The following GALNT15 variants were observed in gnomAD, a reference collection of about 807,000 sequenced individuals.
The protein encoded by GALNT15 is polypeptide N-acetylgalactosaminyltransferase 15.
Under a neutral mutation model 66.8 loss-of-function variants are expected in GALNT15, and 67 were observed. That is an observed-to-expected ratio of 1.00 (90% CI 0.82 to 1.23). The LOEUF (loss-of-function observed/expected upper bound fraction) is 1.23. GALNT15 is among the 50% of genes most tolerant of loss of function. The pLI is 0.00. For missense variants in GALNT15, 827 were observed against 804.3 expected (o/e 1.03, Z -0.34); for synonymous variants, 313 against 311.5 (o/e 1.00, Z -0.05).
intron 2 of GALNT15, among the ~76,000 whole-genome samples, chr3:16,198,364 A>G (rs1461011441): frequency 1.4e-5 from 2 of 142,384 alleles, no homozygotes; most frequent in Admixed American, 7.1e-5. Context: ...AAAAAAAATT[A>G]GTAAAATAAT....
Position 16,225,368 on chromosome 3 carries a change from T to C in GALNT15, c.1774-1986T>C, listed in dbSNP as rs1311151431. Among the ~76,000 whole-genome samples, 2 of 152,184 alleles carry C rather than the reference T, an allele frequency of 1.3e-5. No homozygotes were observed. Among genetic ancestry groups the C allele is most frequent in the Non-Finnish European group, 2.9e-5 (2 of 68,052 alleles). ...CTTTACACTTAAAAATGCCTAAGAT[T>C]GTAAAAGTTTTGCTATGTGTTTTTA... On this transcript the variant is annotated intron_variant, in intron 9 of 9. Transcript: ENST00000339732. The surrounding 1 kb of genome is among the most constrained non-coding windows in gnomAD (Gnocchi z 4.4).
rs910102671 is a variant in GALNT15 at position 16,191,745 on chromosome 3, C to A, written c.540-4015C>A. Among the ~76,000 whole-genome samples, 26 of 152,172 alleles carry A rather than the reference C, an allele frequency of 1.7e-4. No homozygotes were observed. The highest frequency in any genetic ancestry group is 6.0e-4 in the African/African-American group (25 of 41,452). On this transcript the variant is annotated intron_variant, in intron 1 of 9. Transcript: ENST00000339732. The surrounding 1 kb of genome is among the most constrained non-coding windows in gnomAD (Gnocchi z 5.2). ...TACAAATTTCTTTCATTGAAGGAGG[C>A]CCTGCTCCATGCCAGGCACTGTGCC...
chr3:16,232,833 C>G (rs1352309739), downstream of GALNT15, among the ~76,000 whole-genome samples: 2 of 151,684 alleles, frequency 1.3e-5, no homozygotes, highest in Non-Finnish European at 2.9e-5. Flanking sequence ...TGTTAAAGTG[C>G]AGATTCTGAT....
Position 16,187,301 on chromosome 3 carries a change from T to C in GALNT15, c.540-8459T>C, listed in dbSNP as rs1016543074. On this transcript the variant is annotated intron_variant, in intron 1 of 9. Coordinates refer to ENST00000339732, the MANE Select transcript of GALNT15 (RefSeq NM_054110.5). This position sits in a 1 kb window ranked among gnomAD's most constrained non-coding sequence, Gnocchi z 5.1. ...AGTGATTTCAAACAATAACCATTTC[T>C]ATGTTATGGTTCTATAATTTGGACC... is the stretch of plus-strand genomic sequence containing the variant. 6.6e-6 allele frequency among the ~76,000 whole-genome samples: 1 copy of C among 152,136 alleles called. No individual in the cohort carries two copies. Among genetic ancestry groups the C allele is most frequent in the African/African-American group, 2.4e-5 (1 of 41,422 alleles).
chr3:16,211,721 C>T lies in GALNT15; in HGVS notation c.1197+480C>T, dbSNP rs1405808073. ...CACCCTCATTTCCTGTCCCACATTG[C>T]TTTTCTAGCATGATACTTGCTTTTT... On this transcript the variant is annotated intron_variant, in intron 5 of 9. Transcript: ENST00000339732. The surrounding 1 kb of genome is among the most constrained non-coding windows in gnomAD (Gnocchi z 4.3). Among the ~76,000 whole-genome samples, 1 of 152,190 alleles carries T rather than the reference C, an allele frequency of 6.6e-6. No individual in the cohort carries two copies. The highest frequency in any genetic ancestry group is 1.5e-5 in the Non-Finnish European group (1 of 68,038).
chr3:16,243,847 G>A, the GALNT15 span, among the ~76,000 whole-genome samples: 7 of 152,222 alleles, frequency 4.6e-5, no homozygotes, highest in East Asian at 5.8e-4. Flanking sequence ...CATTTTCACA[G>A]TGTGCTGGGT....
chr3:16,190,941 T>G (rs910998340), intron 1 of GALNT15, among the ~76,000 whole-genome samples: 1 of 152,234 alleles, frequency 6.6e-6, no homozygotes, highest in African/African-American at 2.4e-5. Flanking sequence ...CGTGAACTTC[T>G]TTCCCTGAGA....
chr3:16,200,679 G>C lies in GALNT15; in HGVS notation c.767G>C (p.Arg256Thr). ...AGGCTGGAGGGGGTGAAGTTACTCA[G>C]GAGCAACAAGAGGCTGGGTGCCATC... ...VARLEGVKLLRSNKRLGAIRA... is the reference protein window; with the variant it reads ...VARLEGVKLLTSNKRLGAIRA... Residue 256 changes from arginine to threonine, a missense_variant, in exon 3 of 10, where the codon AGG becomes ACG. Transcript: ENST00000339732. The surrounding 1 kb of genome is among the most constrained non-coding windows in gnomAD (Gnocchi z 4.4). 1 of 1,607,668 alleles carries C rather than the reference G, an allele frequency of 6.2e-7. No individual in the cohort carries two copies.
intron 8 of GALNT15, 92 bp from the exon 9 acceptor site, chr3:16,222,523 C>G: frequency 6.7e-7 from 1 of 1,481,856 alleles, no homozygotes; most frequent in Non-Finnish European, 9.3e-7. Flanking sequence ...TGCCCCTAGA[C>G]CTCAGCTCTA....
At position 16,229,704 on chromosome 3, in the gene GALNT15, G is replaced by A; in HGVS notation, c.*2204G>A. On this transcript the variant is annotated 3_prime_UTR_variant, in exon 10 of 10. Transcript: ENST00000339732. ...GCATTGTGGGTCTTTGAAGTTGCTG[G>A]GATAAATTAATATAATTAAATAAAA... 1 of 977,488 alleles carries A rather than the reference G, an allele frequency of 1.0e-6. No homozygotes were observed. Among genetic ancestry groups the A allele is most frequent in the Non-Finnish European group, 1.2e-6 (1 of 822,870 alleles). 60.6% of individuals were successfully genotyped at this position (977,488 alleles called of 1,614,324 possible). A position where few individuals can be genotyped will look rare whatever the true frequency, so the allele number is the denominator to read the frequency against.
chr3:16,232,415 C>T (rs1183471706), downstream of GALNT15, among the ~76,000 whole-genome samples: 4 of 134,362 alleles, frequency 3.0e-5, no homozygotes, highest in African/African-American at 1.1e-4. Flanking sequence ...AAAACAAAAC[C>T]AAAACAAAAA....
intron 6 of GALNT15, among the ~76,000 whole-genome samples, chr3:16,216,409 G>C (rs1218715972): frequency 6.6e-6 from 1 of 152,076 alleles, no homozygotes; most frequent in Non-Finnish European, 1.5e-5. Flanking sequence ...TGAGGTGGAA[G>C]GATGGCTTGA....
At chr3:16,235,077 C>G (rs2064118317), downstream of GALNT15, among the ~76,000 whole-genome samples, 1 of 152,146 alleles carries the variant, frequency 6.6e-6, no homozygotes, top group Non-Finnish European at 1.5e-5. Flanking sequence ...CACCTGCCAC[C>G]ATGCCTGGCT....
intron 6 of GALNT15, among the ~76,000 whole-genome samples, chr3:16,218,350 G>A (rs1033729684): frequency 1.3e-5 from 2 of 152,174 alleles, no homozygotes; most frequent in Non-Finnish European, 2.9e-5. Flanking sequence ...CCAGGAAAGG[G>A]TTCTCTCTTT....
chr3:16,218,133 G>T (rs1395557790), intron 6 of GALNT15, among the ~76,000 whole-genome samples: 2 of 152,234 alleles, frequency 1.3e-5, no homozygotes, highest in Admixed American at 1.3e-4. Flanking sequence ...TCAGGCAGAT[G>T]CTCAGGGAAT....
Position 16,176,783 on chromosome 3 carries a change from T to C in GALNT15, c.539+1093T>C, listed in dbSNP as rs2063414565. ...AGCAAACATTTGTGCAGGGCAGCAG[T>C]TGGAAGCAGGGCCACACACTCTTCG... is the stretch of plus-strand genomic sequence containing the variant. On this transcript the variant is annotated intron_variant, in intron 1 of 9. Coordinates refer to ENST00000339732, the MANE Select transcript of GALNT15 (RefSeq NM_054110.5). This position sits in a 1 kb window ranked among gnomAD's most constrained non-coding sequence, Gnocchi z 5.6. Among the ~76,000 whole-genome samples the C allele has an allele frequency of 6.6e-6, 1 of 152,154 alleles. No individual in the cohort carries two copies. Among genetic ancestry groups the C allele is most frequent in the African/African-American group, 2.4e-5 (1 of 41,432 alleles).
chr3:16,207,793 G>A (rs1312745516), intron 3 of GALNT15, among the ~76,000 whole-genome samples: 2 of 152,106 alleles, frequency 1.3e-5, no homozygotes, highest in Non-Finnish European at 2.9e-5. Flanking sequence ...GGACATGGAA[G>A]ATTTCATTCA....
In GALNT15 at chr3:16,219,813, C is replaced by A; in HGVS notation, c.1525-97C>A. 9.4e-7 allele frequency: 1 copy of A among 1,060,258 alleles called. No homozygotes were observed. The highest frequency in any genetic ancestry group is 1.5e-6 in the Non-Finnish European group (1 of 682,630). The allele number at this position is 1,060,258 out of a possible 1,614,324, so 65.7% of individuals were successfully genotyped here. A position where few individuals can be genotyped will look rare whatever the true frequency, so the allele number is the denominator to read the frequency against. ...TGTGGCCTGAACAATGTGCCTTGGG[C>A]TGCACTCCAGAGAATACAGCAAAGG... On this transcript the variant is annotated intron_variant, in intron 7 of 9. Coordinates refer to ENST00000339732, the MANE Select transcript of GALNT15 (RefSeq NM_054110.5). The surrounding 1 kb of genome is among the most constrained non-coding windows in gnomAD (Gnocchi z 4.3).
chr3:16,216,863 C>A (rs756562882), intron 6 of GALNT15, among the ~76,000 whole-genome samples: 2 of 152,252 alleles, frequency 1.3e-5, no homozygotes, highest in African/African-American at 4.8e-5. Flanking sequence ...ACTTGCCCAA[C>A]TCCTGAGATC....
Sources: allele counts gnomAD v4.1 joint callset (sites outside exome capture counted in the v4.1 genomes callset), GRCh38; gene constraint gnomAD v4.1.1; non-coding constraint Gnocchi (gnomAD v3.1); transcripts MANE v1.5; gene names NCBI Gene and HGNC (gene_info 2026-07-23, HGNC 2026-07-21).